ZBTB44: variants seen among roughly 807,000 people sequenced by gnomAD.
The protein encoded by ZBTB44 is zinc finger and BTB domain containing 44, also known as zinc finger and BTB domain-containing protein 44.
In ZBTB44, 15 loss-of-function variants were observed where a neutral mutation model predicts 54.0. That is an observed-to-expected ratio of 0.28 (90% CI 0.19 to 0.43). The LOEUF (loss-of-function observed/expected upper bound fraction) is 0.43, where lower values mean the gene tolerates loss of function less well. Among genes scored for constraint, ZBTB44 ranks in the 20% least tolerant of loss-of-function variants. The pLI, the probability that ZBTB44 is intolerant of heterozygous loss-of-function variation, is 1.00. For missense variants in ZBTB44, 487 were observed against 707.1 expected (o/e 0.69, Z 3.53); for synonymous variants, 230 against 250.1 (o/e 0.92, Z 0.76).
intron 2 of ZBTB44, among the ~76,000 whole-genome samples, chr11:130,256,992 T>C (rs1284635498): frequency 6.6e-6 from 1 of 152,070 alleles, no homozygotes; most frequent in Non-Finnish European, 1.5e-5. Context: ...TTGTCTCTGT[T>C]TGCAGATGAC....
At chr11:130,247,572 C>A (rs1468533626) in intron 2 of ZBTB44, among the ~76,000 whole-genome samples, 1 of 152,124 alleles carries the variant, frequency 6.6e-6, no homozygotes, top group Non-Finnish European at 1.5e-5. Context: ...TGTTAACGGC[C>A]TACAAGAGAA....
At chr11:130,262,651 C>T (rs977374453) in intron 1 of ZBTB44, among the ~76,000 whole-genome samples, 2 of 151,728 alleles carry the variant, frequency 1.3e-5, no homozygotes, top group Admixed American at 6.6e-5. Flanking sequence ...CTGAACAATC[C>T]ATTACATAAT....
At chr11:130,234,879 C>A (rs1193731077) in intron 5 of ZBTB44, among the ~76,000 whole-genome samples, 1 of 152,100 alleles carries the variant, frequency 6.6e-6, no homozygotes, top group Non-Finnish European at 1.5e-5. Flanking sequence ...ATCCTCAAAA[C>A]GTGTTCAATT....
chr11:130,246,673 T>C (rs1186750870), intron 2 of ZBTB44, among the ~76,000 whole-genome samples: 16 of 152,236 alleles, frequency 1.1e-4, no homozygotes, highest in Admixed American at 9.2e-4. Context: ...GTATTTACCA[T>C]GTGCCAGGCA....
chr11:130,252,946 G>A (rs1007951646), intron 2 of ZBTB44, among the ~76,000 whole-genome samples: 1 of 152,124 alleles, frequency 6.6e-6, no homozygotes, highest in Non-Finnish European at 1.5e-5. Context: ...CATATAAACA[G>A]AACCAAAGAC....
At chr11:130,304,162 T>C (rs57815456) in intron 1 of ZBTB44, among the ~76,000 whole-genome samples, 6,227 of 152,252 alleles carry the variant, frequency 0.041, 312 homozygotes, top group African/African-American at 0.12. Context: ...GTGAAGTATT[T>C]CTACTATAAA....
At chr11:130,262,035 G>C in intron 1 of ZBTB44, 106 bp from the exon 2 acceptor site, 1 of 833,708 alleles carries the variant, frequency 1.2e-6, no homozygotes, top group Non-Finnish European at 1.8e-6. Context: ...GCTGAAAGAT[G>C]GTAGTGACAG....
intron 1 of ZBTB44, among the ~76,000 whole-genome samples, chr11:130,306,592 G>A (rs1182063619): frequency 2.0e-5 from 3 of 151,746 alleles, no homozygotes; most frequent in African/African-American, 7.3e-5. Context: ...GTCATTATGT[G>A]AAAAAGACAC....
intron 2 of ZBTB44, among the ~76,000 whole-genome samples, chr11:130,247,341 T>C (rs977358501): frequency 5.9e-5 from 9 of 152,212 alleles, no homozygotes; most frequent in African/African-American, 9.6e-5. Context: ...AGGGCAGATA[T>C]AAAATCCCTT....
In ZBTB44 at chr11:130,261,682, G is replaced by A. The variant is rs529557692; in HGVS notation, c.192C>T (p.Ala64=). The change falls in exon 2 of 8, where the codon GCC becomes GCT. Residue 64 remains alanine, a synonymous_variant. Coordinates refer to ENST00000357899, the MANE Select transcript of ZBTB44 (RefSeq NM_001301098.2). This position sits in a 1 kb window ranked among gnomAD's most constrained non-coding sequence, Gnocchi z 4.8. Reference sequence around the variant, plus strand: ...CCAACACATTCTTGTTCTCATCCTCGGCTTGGCCTACAAGTTTGGTGCGAA... The same window carrying A: ...CCAACACATTCTTGTTCTCATCCTCAGCTTGGCCTACAAGTTTGGTGCGAA... ...DFFRTKLVGQ[A]EDENKNVLDL... The A allele has an allele frequency of 3.7e-6, 6 of 1,613,898 alleles. No individual in the cohort carries two copies. The highest frequency in any genetic ancestry group is 1.7e-5 in the Admixed American group (1 of 60,016).
At chr11:130,243,426 T>C (rs1954476196) in intron 2 of ZBTB44, among the ~76,000 whole-genome samples, 1 of 152,246 alleles carries the variant, frequency 6.6e-6, no homozygotes, top group Non-Finnish European at 1.5e-5. Context: ...CTATATGAGA[T>C]TCACTGTTTG....
At chr11:130,295,346 G>A (rs1433922987) in intron 1 of ZBTB44, among the ~76,000 whole-genome samples, 1 of 152,062 alleles carries the variant, frequency 6.6e-6, no homozygotes, top group Non-Finnish European at 1.5e-5. Context: ...GAAATCCACC[G>A]TATTAACCAA....
chr11:130,235,615 C>T (rs1364926419), intron 5 of ZBTB44, among the ~76,000 whole-genome samples: 1 of 151,810 alleles, frequency 6.6e-6, no homozygotes, highest in East Asian at 1.9e-4. Context: ...TGTCTATGAA[C>T]AGCCACTGCA....
chr11:130,235,667 A>T (rs77208865), intron 5 of ZBTB44, among the ~76,000 whole-genome samples: 6 of 143,182 alleles, frequency 4.2e-5, no homozygotes, highest in Non-Finnish European at 7.7e-5. Flanking sequence ...CTATTCAATT[A>T]AAAAAAAAAA....
chr11:130,288,505 G>T (rs553773320), intron 1 of ZBTB44, among the ~76,000 whole-genome samples: 2 of 152,288 alleles, frequency 1.3e-5, no homozygotes, highest in African/African-American at 4.8e-5. Flanking sequence ...AACACTGCTA[G>T]AAGACTGTTT....
intron 1 of ZBTB44, among the ~76,000 whole-genome samples, chr11:130,275,009 T>A (rs1939954948): frequency 6.6e-6 from 1 of 152,250 alleles, no homozygotes; most frequent in African/African-American, 2.4e-5. Context: ...GAAGGTAGTT[T>A]TTAAATTACT....
At chr11:130,298,358 G>A (rs1275210396) in intron 1 of ZBTB44, among the ~76,000 whole-genome samples, 1 of 151,528 alleles carries the variant, frequency 6.6e-6, no homozygotes, top group Non-Finnish European at 1.5e-5. Flanking sequence ...TGCCCAGGCT[G>A]GTCTCAAACT....
chr11:130,289,803 C>T (rs1472807101), intron 1 of ZBTB44, among the ~76,000 whole-genome samples: 4 of 152,040 alleles, frequency 2.6e-5, no homozygotes, highest in Admixed American at 2.0e-4. Flanking sequence ...AATAAATGTC[C>T]GTATTGTTTA....
chr11:130,308,184 T>C (rs1942383137), intron 1 of ZBTB44, among the ~76,000 whole-genome samples: 3 of 152,212 alleles, frequency 2.0e-5, no homozygotes, highest in Admixed American at 6.5e-5. Context: ...ATAACCTAGA[T>C]GTAGAGTAGG....
Sources: gnomAD v4.1 joint callset for allele counts (sites outside exome capture counted in the v4.1 genomes callset) on GRCh38, gnomAD v4.1.1 for gene constraint, Gnocchi (gnomAD v3.1) non-coding constraint, MANE v1.5 for transcripts, NCBI Gene and HGNC (gene_info 2026-07-23, HGNC 2026-07-21) for gene names.